MTA3: variants seen among roughly 807,000 people sequenced by gnomAD.
MTA3 encodes metastasis associated 1 family member 3, also known as metastasis-associated protein MTA3.
A neutral mutation model predicts 83.5 loss-of-function variants in MTA3; 34 were observed. The observed-to-expected ratio is 0.41, with a 90% CI of 0.31 to 0.54. The LOEUF (loss-of-function observed/expected upper bound fraction) is 0.54, where lower values mean the gene tolerates loss of function less well. Ranked by LOEUF, MTA3 falls within the 20% of genes least tolerant of loss-of-function variation. The probability of loss-of-function intolerance (pLI) is 0.33; values close to 1 mark genes in which losing one functional copy is unlikely to be tolerated. For synonymous variants in MTA3, 303 were observed against 252.7 expected (o/e 1.20, Z -1.89); for missense variants, 761 against 726.4 (o/e 1.05, Z -0.55).
intron 3 of MTA3, among the ~76,000 whole-genome samples, chr2:42,601,636 C>T (rs1398864348): frequency 2.0e-5 from 3 of 152,210 alleles, no homozygotes; most frequent in Admixed American, 1.3e-4. Context: ...GATTCTCCCA[C>T]CTCGGCCTCC....
intron 8 of MTA3, among the ~76,000 whole-genome samples, chr2:42,673,767 C>T (rs964855779): frequency 1.3e-5 from 2 of 152,226 alleles, no homozygotes; most frequent in Non-Finnish European, 2.9e-5. Context: ...TGGGCCTTTA[C>T]AGCCCTGCAT....
chr2:42,685,204 A>G (rs1485332320), intron 9 of MTA3, among the ~76,000 whole-genome samples: 2 of 152,244 alleles, frequency 1.3e-5, no homozygotes, highest in African/African-American at 2.4e-5. Context: ...GAAAATGAGT[A>G]TAACAGTAAT....
chr2:42,574,131 C>CAGCCA (rs1678786663), intron 2 of MTA3, among the ~76,000 whole-genome samples: 1 of 147,624 alleles, frequency 6.8e-6, no homozygotes, highest in Non-Finnish European at 1.5e-5. Flanking sequence ...CCACCGCGCC[C>CAGCCA]GGCTTTTTTT....
intron 14 of MTA3, among the ~76,000 whole-genome samples, chr2:42,712,453 GTTAA>G (rs370630405): frequency 2.0e-4 from 30 of 152,146 alleles, no homozygotes; most frequent in South Asian, 4.2e-4. Flanking sequence ...CACCACACCG[GTTAA>G]TTTATTTTTT....
chr2:42,590,798 C>T (rs10183074), intron 3 of MTA3, among the ~76,000 whole-genome samples: 114,592 of 151,680 alleles, frequency 0.76, 43,675 homozygotes, highest in Middle Eastern at 0.88. Context: ...TTTTTGTATT[C>T]TTAGTAGAGG....
chr2:42,552,264 G>T (rs1677146962), intron 2 of MTA3, among the ~76,000 whole-genome samples: 1 of 152,186 alleles, frequency 6.6e-6, no homozygotes, highest in African/African-American at 2.4e-5. Flanking sequence ...CTGGTAAAGA[G>T]ATAAAGGCCA....
chr2:42,666,020 G>A lies in MTA3; in HGVS notation c.702+6158G>A, dbSNP rs966757797. 5.3e-5 allele frequency among the ~76,000 whole-genome samples: 8 copies of A among 152,208 alleles called. No individual in the cohort carries two copies. In the East Asian group the frequency reaches 1.5e-3, roughly 29 times the overall value. ...TGGCCAGGTGCCGTGGCTCACGCCT[G>A]TAATCCCAGCACTTTGGGAGGCTGA... On this transcript the variant is annotated intron_variant, in intron 8 of 16. Coordinates refer to ENST00000405094, the MANE Select transcript of MTA3 (RefSeq NM_001330442.2).
chr2:42,739,935 A>G (rs1056409674), intron 16 of MTA3, among the ~76,000 whole-genome samples: 1 of 152,286 alleles, frequency 6.6e-6, no homozygotes, highest in Middle Eastern at 3.4e-3. Flanking sequence ...TTCTCATTCT[A>G]ATTCTCCTGC....
At chr2:42,709,390 C>T in intron 14 of MTA3, 1 of 971,678 alleles carries the variant, frequency 1.0e-6, no homozygotes, top group South Asian at 2.0e-5. Flanking sequence ...ATGGAATTGC[C>T]TGCAGAGCCC....
intron 16 of MTA3, among the ~76,000 whole-genome samples, chr2:42,745,832 T>TTTTTTTTTTTTTTTTTTTTTTTTTTTG (rs70963350): frequency 6.7e-6 from 1 of 149,500 alleles, no homozygotes; most frequent in African/African-American, 2.5e-5. Flanking sequence ...CTCTTTTTTT[T>TTTTTTTTTTTTTTTTTTTTTTTTTTTG]GAGACAGAGT....
chr2:42,655,141 C>A (rs1689055662), intron 6 of MTA3, among the ~76,000 whole-genome samples: 1 of 152,300 alleles, frequency 6.6e-6, no homozygotes, highest in South Asian at 2.1e-4. Context: ...AAATTATAAA[C>A]CATGACTAGC....
In MTA3 at chr2:42,616,152, C is replaced by T. The variant is rs142274583; in HGVS notation, c.317+6568C>T. ...CTCGGCTCACTGCAACTCCGCCTCC[C>T]GGTTTCAAGCGATTCTCCCACCTCA... On this transcript the variant is annotated intron_variant, in intron 4 of 16. Coordinates refer to ENST00000405094, the MANE Select transcript of MTA3 (RefSeq NM_001330442.2). 5.4e-3 allele frequency among the ~76,000 whole-genome samples: 814 copies of T among 151,594 alleles called. 3 individuals are homozygous for T. Among genetic ancestry groups the T allele is most frequent in the African/African-American group, 0.018 (731 of 41,346 alleles).
intron 16 of MTA3, among the ~76,000 whole-genome samples, chr2:42,725,678 C>T (rs1667759610): frequency 6.6e-6 from 1 of 152,186 alleles, no homozygotes; most frequent in Non-Finnish European, 1.5e-5. Context: ...GCAGGCACCT[C>T]TCAGGAGGTG....
At chr2:42,587,297 A>G (rs1292559582) in intron 3 of MTA3, among the ~76,000 whole-genome samples, 1 of 152,174 alleles carries the variant, frequency 6.6e-6, no homozygotes, top group Non-Finnish European at 1.5e-5. Context: ...GTGTGACAGA[A>G]CAAGACCCTG....
At chr2:42,643,447 T>C (rs914740091) in intron 5 of MTA3, among the ~76,000 whole-genome samples, 3 of 152,142 alleles carry the variant, frequency 2.0e-5, no homozygotes, top group Admixed American at 2.0e-4. Flanking sequence ...AACAAGGACA[T>C]AGGAGCTTTG....
intron 16 of MTA3, among the ~76,000 whole-genome samples, chr2:42,738,605 G>C (rs991241600): frequency 3.6e-4 from 55 of 152,184 alleles, no homozygotes; most frequent in Non-Finnish European, 7.3e-4. Context: ...TGAAAAACAG[G>C]ATAACAGCAA....
chr2:42,700,068 G>C (rs1214939286), intron 11 of MTA3, among the ~76,000 whole-genome samples: 1 of 151,972 alleles, frequency 6.6e-6, no homozygotes, highest in Non-Finnish European at 1.5e-5. Context: ...TTGGATGCTG[G>C]TGGGAAATAG....
intron 8 of MTA3, among the ~76,000 whole-genome samples, chr2:42,678,323 T>C (rs1573588219): frequency 4.6e-5 from 7 of 152,234 alleles, no homozygotes; most frequent in Admixed American, 4.6e-4. Flanking sequence ...TGAAAGCCAA[T>C]GATTTATTTT....
At chr2:42,606,183 G>T (rs1573220693) in intron 3 of MTA3, among the ~76,000 whole-genome samples, 1 of 67,996 alleles carries the variant, frequency 1.5e-5, no homozygotes, top group East Asian at 3.5e-4. Context: ...GGGGCGGCTG[G>T]CCGGGCGGGG....
Sources: gnomAD v4.1 joint callset for allele counts (sites outside exome capture counted in the v4.1 genomes callset) on GRCh38, gnomAD v4.1.1 for gene constraint, MANE v1.5 for transcripts, NCBI Gene and HGNC (gene_info 2026-07-23, HGNC 2026-07-21) for gene names.